The following ANKS1B variants were observed in gnomAD, a reference collection of about 807,000 sequenced individuals.
ANKS1B encodes ankyrin repeat and sterile alpha motif domain-containing protein 1B.
In ANKS1B, 36 loss-of-function variants were observed where a neutral mutation model predicts 148.3. The ratio of observed to expected loss-of-function variants is 0.24; its 90% CI spans 0.19 to 0.32. The LOEUF (loss-of-function observed/expected upper bound fraction) is 0.32, where lower values mean the gene tolerates loss of function less well. Among genes scored for constraint, ANKS1B ranks in the 10% least tolerant of loss-of-function variants. The probability of loss-of-function intolerance (pLI) is 1.00; values close to 1 mark genes in which losing one functional copy is unlikely to be tolerated. For synonymous variants in ANKS1B, 542 were observed against 560.8 expected (o/e 0.97, Z 0.47); for missense variants, 1,157 against 1,542.6 (o/e 0.75, Z 4.19).
At chr12:98,789,811 G>A (rs2098831578) in intron 22 of ANKS1B, among the ~76,000 whole-genome samples, 2 of 152,150 alleles carry the variant, frequency 1.3e-5, no homozygotes, top group Non-Finnish European at 2.9e-5. Context: ...TGATATTGGG[G>A]ATGAATATGT....
At chr12:99,261,611 G>A (rs1424974306) in intron 12 of ANKS1B, among the ~76,000 whole-genome samples, 2 of 151,988 alleles carry the variant, frequency 1.3e-5, no homozygotes, top group South Asian at 2.1e-4. Flanking sequence ...ACACCCCACA[G>A]CCAATCACAC....
intron 9 of ANKS1B, chr12:99,648,081 C>G: frequency 6.6e-7 from 1 of 1,509,140 alleles, no homozygotes; most frequent in Non-Finnish European, 8.9e-7. Context: ...GCTGGCCCAC[C>G]TGCCAGAGTA....
At position 99,704,578 on chromosome 12, in the gene ANKS1B, AC is replaced by A. The variant is rs1441634430; in HGVS notation, c.1129-49369del. Among the ~76,000 whole-genome samples, 9 of 152,158 alleles carry A rather than the reference AC, an allele frequency of 5.9e-5. No individual in the cohort carries two copies. In the East Asian group the frequency reaches 1.7e-3, roughly 29 times the overall value. ...TATGCATACACATACATATACACAC[AC>A]ACACACACAAACTCTCTAATGAAAA... On this transcript the variant is annotated intron_variant, in intron 8 of 26. Coordinates refer to ENST00000683438, the MANE Select transcript of ANKS1B (RefSeq NM_001352186.2).
rs149785150 is a variant in ANKS1B, at chr12:99,463,532, C to A, written c.1439-19723G>T. On this transcript the variant is annotated intron_variant, in intron 10 of 26. Coordinates refer to ENST00000683438, the MANE Select transcript of ANKS1B (RefSeq NM_001352186.2). Reference sequence around the variant, plus strand: ...GCAAGGGGGCAGGGAGTTCCCTTTCCTAGTCAAAGAAAGGGGTGACAGATG... The same window carrying A: ...GCAAGGGGGCAGGGAGTTCCCTTTCATAGTCAAAGAAAGGGGTGACAGATG... 4.7e-4 allele frequency among the ~76,000 whole-genome samples: 71 copies of A among 152,292 alleles called. 2 individuals carry two copies. In the East Asian group the frequency reaches 9.3e-3, roughly 20 times the overall value.
chr12:99,599,499 G>C lies in ANKS1B; in HGVS notation c.1272+55568C>G, dbSNP rs550684215. Among the ~76,000 whole-genome samples, 5 of 152,130 alleles carry C rather than the reference G, an allele frequency of 3.3e-5. 1 individual carries two copies. In the South Asian group the frequency reaches 8.3e-4, roughly 25 times the overall value. On this transcript the variant is annotated intron_variant, in intron 9 of 26. Coordinates refer to ENST00000683438, the MANE Select transcript of ANKS1B (RefSeq NM_001352186.2). ...CAGCATTATATTGTGATATTTGCCTGTTAGAAAAAAATCACTACAGAGTTA... is the reference window on the plus strand; with the variant it reads ...CAGCATTATATTGTGATATTTGCCTCTTAGAAAAAAATCACTACAGAGTTA...
At chr12:99,837,155 C>T (rs940415814) in intron 1 of ANKS1B, among the ~76,000 whole-genome samples, 1 of 152,128 alleles carries the variant, frequency 6.6e-6, no homozygotes, top group African/African-American at 2.4e-5. Context: ...CCATTGTTGG[C>T]TCTAAAGATG....
At chr12:99,762,690 C>T (rs539407103) in intron 8 of ANKS1B, among the ~76,000 whole-genome samples, 6 of 151,886 alleles carry the variant, frequency 4.0e-5, no homozygotes, top group Admixed American at 6.6e-5. Context: ...AAACCTTCTG[C>T]ACAGAAAAAG....
intron 8 of ANKS1B, among the ~76,000 whole-genome samples, chr12:99,677,293 A>G (rs1280543048): frequency 6.6e-6 from 1 of 152,118 alleles, no homozygotes; most frequent in Non-Finnish European, 1.5e-5. Context: ...CATGACTTAG[A>G]TCTTAAAAGC....
intron 9 of ANKS1B, among the ~76,000 whole-genome samples, chr12:99,510,244 G>C (rs916923926): frequency 6.6e-6 from 1 of 151,964 alleles, no homozygotes; most frequent in African/African-American, 2.4e-5. Context: ...GATTAATTTA[G>C]AGTCTCAAGT....
chr12:99,918,685 T>G (rs2094250554), intron 1 of ANKS1B, among the ~76,000 whole-genome samples: 1 of 152,188 alleles, frequency 6.6e-6, no homozygotes, highest in East Asian at 1.9e-4. Flanking sequence ...CTATATTATT[T>G]TATGTTTCTA....
intron 8 of ANKS1B, among the ~76,000 whole-genome samples, chr12:99,760,557 G>C (rs542447064): frequency 1.7e-3 from 258 of 151,942 alleles, no homozygotes; most frequent in Middle Eastern, 3.4e-3. Context: ...GCAATGTTAA[G>C]AGGAAAGTCT....
intron 1 of ANKS1B, among the ~76,000 whole-genome samples, chr12:99,958,574 G>A (rs778746190): frequency 7.2e-5 from 11 of 152,170 alleles, no homozygotes; most frequent in East Asian, 3.9e-4. Context: ...TAGCAGAGAC[G>A]GGGTTTCGCC....
At chr12:99,904,213 A>G (rs1440309881) in intron 1 of ANKS1B, among the ~76,000 whole-genome samples, 15 of 142,510 alleles carry the variant, frequency 1.1e-4, no homozygotes, top group African/African-American at 3.9e-4. Context: ...TTTTTTTTAG[A>G]TGGATTCTTG....
chr12:99,379,492 A>G (rs1313828977), intron 12 of ANKS1B, among the ~76,000 whole-genome samples: 1 of 152,244 alleles, frequency 6.6e-6, no homozygotes, highest in African/African-American at 2.4e-5. Flanking sequence ...AAAGTTCTTA[A>G]TAATTATAGA....
chr12:98,996,532 C>G (rs940335037), intron 17 of ANKS1B, among the ~76,000 whole-genome samples: 6 of 151,872 alleles, frequency 4.0e-5, no homozygotes, highest in Middle Eastern at 3.2e-3. Flanking sequence ...TAAGAATTAC[C>G]AGCTGGGTGT....
intron 10 of ANKS1B, among the ~76,000 whole-genome samples, chr12:99,463,371 C>T (rs575577843): frequency 3.2e-4 from 48 of 152,212 alleles, no homozygotes; most frequent in African/African-American, 9.9e-4. Flanking sequence ...ACGCAGAAGA[C>T]GGGTGATTTC....
intron 19 of ANKS1B, among the ~76,000 whole-genome samples, chr12:98,819,601 C>T (rs562098702): frequency 4.6e-5 from 7 of 152,260 alleles, no homozygotes; most frequent in African/African-American, 1.2e-4. Flanking sequence ...TTACAAAGAG[C>T]GGGCCAGCTT....
At chr12:99,556,206 G>C (rs540544177) in intron 9 of ANKS1B, among the ~76,000 whole-genome samples, 2 of 152,254 alleles carry the variant, frequency 1.3e-5, no homozygotes, top group South Asian at 4.1e-4. Flanking sequence ...AGGTGTTCTC[G>C]ATTGTGTATG....
At chr12:99,385,762 A>G (rs1463444102) in intron 12 of ANKS1B, among the ~76,000 whole-genome samples, 1 of 152,242 alleles carries the variant, frequency 6.6e-6, no homozygotes, top group African/African-American at 2.4e-5. Context: ...TGGACTAGAA[A>G]ATATGCTAAG....
Sources: allele counts gnomAD v4.1 joint callset (sites outside exome capture counted in the v4.1 genomes callset), GRCh38; gene constraint gnomAD v4.1.1; transcripts MANE v1.5; gene names NCBI Gene and HGNC (gene_info 2026-07-23, HGNC 2026-07-21).